The following ADRA1B variants were observed in gnomAD, a reference collection of about 807,000 sequenced individuals.
ADRA1B encodes alpha-1B adrenergic receptor.
In ADRA1B, 17 loss-of-function variants were observed where a neutral mutation model predicts 17.9. The observed-to-expected ratio is 0.95, with a 90% CI of 0.65 to 1.42. The LOEUF (loss-of-function observed/expected upper bound fraction) is 1.42. ADRA1B is among the 40% of genes most tolerant of loss of function. The pLI, the probability that ADRA1B is intolerant of heterozygous loss-of-function variation, is 0.00. For synonymous variants in ADRA1B, 366 were observed against 327.6 expected (o/e 1.12, Z -1.27); for missense variants, 681 against 722.1 (o/e 0.94, Z 0.65).
At chr5:159,904,545 G>A (rs1754139030) in intron 1 of ADRA1B, among the ~76,000 whole-genome samples, 1 of 152,214 alleles carries the variant, frequency 6.6e-6, no homozygotes, top group Admixed American at 6.5e-5. Flanking sequence ...CCTCAATGGA[G>A]ACCAGGTGGC....
intron 1 of ADRA1B, among the ~76,000 whole-genome samples, chr5:159,965,826 T>C (rs1186088162): frequency 6.6e-6 from 1 of 152,176 alleles, no homozygotes; most frequent in Non-Finnish European, 1.5e-5. Flanking sequence ...ATGAGGGATC[T>C]GAATTTATTT....
chr5:159,964,843 G>GC (rs1177851814), intron 1 of ADRA1B, among the ~76,000 whole-genome samples: 7 of 152,194 alleles, frequency 4.6e-5, no homozygotes, highest in African/African-American at 1.7e-4. Context: ...AGCGGTGCTG[G>GC]CAGTTGTAAC....
chr5:159,916,070 C>T (rs1350265299), upstream of ADRA1B: 2 of 152,346 alleles, frequency 1.3e-5, no homozygotes, highest in Non-Finnish European at 2.9e-5. Context: ...AGATCCGACT[C>T]AAGTCCCTCC....
In ADRA1B at chr5:159,972,536, T is replaced by G. The variant is rs1402826944; in HGVS notation, c.*44T>G. On this transcript the variant is annotated 3_prime_UTR_variant, in exon 2 of 2. Transcript: ENST00000306675. ...TCTTTCCCTGGGGAGGAAAACATCG[T>G]GGGGGGGAGGGGAGGGCGGGGCGGA... 4.1e-3 allele frequency: 119 copies of G among 29,176 alleles called. No individual in the cohort carries two copies. Among genetic ancestry groups the G allele is most frequent in the East Asian group, 0.016 (41 of 2,532 alleles). The allele number at this position is 29,176 out of a possible 1,614,324, so 1.8% of individuals were successfully genotyped here.
chr5:159,896,503 CTTCTGAGTCAAATGAA>C (rs1428828604), intron 1 of ADRA1B, among the ~76,000 whole-genome samples: 1 of 152,156 alleles, frequency 6.6e-6, no homozygotes, highest in African/African-American at 2.4e-5. Context: ...TCTCATGTTC[CTTCTGAGTCAAATGAA>C]AGGTGTGTGC....
At chr5:159,962,135 T>G (rs1755674679) in intron 1 of ADRA1B, among the ~76,000 whole-genome samples, 2 of 152,094 alleles carry the variant, frequency 1.3e-5, no homozygotes, top group Admixed American at 1.3e-4. Flanking sequence ...GAGGTAGAAG[T>G]TGCAGTGAGC....
chr5:159,968,405 A>C (rs1418992174), intron 1 of ADRA1B, among the ~76,000 whole-genome samples: 1 of 152,198 alleles, frequency 6.6e-6, no homozygotes, highest in Non-Finnish European at 1.5e-5. Flanking sequence ...TTGCATCCCC[A>C]TTAATCCATT....
At chr5:159,930,151 A>G (rs1157807563) in intron 1 of ADRA1B, among the ~76,000 whole-genome samples, 1 of 152,178 alleles carries the variant, frequency 6.6e-6, no homozygotes, top group Non-Finnish European at 1.5e-5. Context: ...CATTTAGGTT[A>G]TTTTTGGTCT....
chr5:159,926,776 A>G (rs1323938412), intron 1 of ADRA1B, among the ~76,000 whole-genome samples: 1 of 152,118 alleles, frequency 6.6e-6, no homozygotes, highest in East Asian at 1.9e-4. Flanking sequence ...AATCCCAGCT[A>G]CTTGGGAGGC....
chr5:159,907,820 G>T (rs1366800195), intron 1 of ADRA1B, among the ~76,000 whole-genome samples: 1 of 152,156 alleles, frequency 6.6e-6, no homozygotes, highest in African/African-American at 2.4e-5. Context: ...GAAGTGGCAG[G>T]AGCTAGAATT....
intron 1 of ADRA1B, among the ~76,000 whole-genome samples, chr5:159,932,044 C>T (rs1754820903): frequency 6.6e-6 from 1 of 152,236 alleles, no homozygotes; most frequent in South Asian, 2.1e-4. Context: ...TGTATTAACA[C>T]AAGTTGGATC....
At position 159,962,935 on chromosome 5, in the gene ADRA1B, C is replaced by CTT. The variant is rs1206944978; in HGVS notation, c.950-8928_950-8927dup. 9.3e-4 allele frequency among the ~76,000 whole-genome samples: 39 copies of CTT among 41,788 alleles called. 1 individual carries two copies. The highest frequency in any genetic ancestry group is 7.3e-3 in the South Asian group (8 of 1,092). 27.4% of individuals were successfully genotyped at this position (41,788 alleles called of 152,430 possible). On this transcript the variant is annotated intron_variant, in intron 1 of 1. Transcript: ENST00000306675. ...TCTTTCTTTCTTTTTCTTTTCTTTT[C>CTT]TTTTTTTTTTTTTTTTTGAAACAAC...
At chr5:159,949,901 G>C (rs1412391201) in intron 1 of ADRA1B, among the ~76,000 whole-genome samples, 2 of 152,096 alleles carry the variant, frequency 1.3e-5, no homozygotes, top group Non-Finnish European at 2.9e-5. Context: ...TTCCTTTATG[G>C]CTTGCAAAGC....
At position 159,945,958 on chromosome 5, in the gene ADRA1B, A is replaced by G. The variant is rs187649942; in HGVS notation, c.950-25921A>G. Among the ~76,000 whole-genome samples, 82 of 152,308 alleles carry G rather than the reference A, an allele frequency of 5.4e-4. No homozygotes were observed. The East Asian group carries it at 0.011, about 21-fold the overall frequency. ...GAGATGGGGTTTCACCATGTTAGCC[A>G]GGATGGTCTTGATCTTCTGACCTCC... On this transcript the variant is annotated intron_variant, in intron 1 of 1. Coordinates refer to ENST00000306675, the MANE Select transcript of ADRA1B (RefSeq NM_000679.4).
intron 1 of ADRA1B, among the ~76,000 whole-genome samples, chr5:159,923,549 C>A (rs546369419): frequency 6.6e-6 from 1 of 152,228 alleles, no homozygotes; most frequent in African/African-American, 2.4e-5. Flanking sequence ...AGAAGGGGAA[C>A]AGAGTGGGAA....
At chr5:159,866,422 A>C (rs1753654088) in intron 1 of ADRA1B, among the ~76,000 whole-genome samples, 1 of 151,930 alleles carries the variant, frequency 6.6e-6, no homozygotes, top group Non-Finnish European at 1.5e-5. Context: ...CCCCGTCTCC[A>C]CTAAAAATAC....
intron 1 of ADRA1B, among the ~76,000 whole-genome samples, chr5:159,894,603 T>C (rs1343265777): frequency 2.0e-5 from 3 of 152,172 alleles, no homozygotes; most frequent in African/African-American, 7.2e-5. Flanking sequence ...TTTTTTAACA[T>C]TCAGTTTTCA....
chr5:159,890,449 A>G (rs1753970679), intron 1 of ADRA1B, among the ~76,000 whole-genome samples: 1 of 152,206 alleles, frequency 6.6e-6, no homozygotes, highest in Non-Finnish European at 1.5e-5. Flanking sequence ...ATTACCTCTC[A>G]TTGTTTCTGG....
chr5:159,938,957 G>A (rs912387901), intron 1 of ADRA1B, among the ~76,000 whole-genome samples: 8 of 152,174 alleles, frequency 5.3e-5, no homozygotes, highest in Non-Finnish European at 1.5e-5. Flanking sequence ...ACAGTATGTG[G>A]CCAGAGTGAA....
Sources: allele counts gnomAD v4.1 joint callset (sites outside exome capture counted in the v4.1 genomes callset), GRCh38; gene constraint gnomAD v4.1.1; transcripts MANE v1.5; gene names NCBI Gene and HGNC (gene_info 2026-07-23, HGNC 2026-07-21).